Variants in GALNT11 observed in about 807,000 individuals in gnomAD.
GALNT11 encodes UDP-GalNAc:polypeptide N-acetylgalactosaminyltransferase 11.
GALNT11 carries 47 observed loss-of-function variants against 72.7 expected under a neutral mutation model. The observed-to-expected ratio is 0.65, with a 90% CI of 0.51 to 0.82. The LOEUF (loss-of-function observed/expected upper bound fraction) is 0.82, where lower values mean the gene tolerates loss of function less well. Ranked by LOEUF, GALNT11 falls within the 40% of genes least tolerant of loss-of-function variation. GALNT11 has a pLI of 0.00. For missense variants in GALNT11, 677 were observed against 778.4 expected, an observed-to-expected ratio of 0.87 and a Z score of 1.55; for synonymous variants, 270 against 286.6, an observed-to-expected ratio of 0.94 and a Z score of 0.58.
At position 152,060,343 on chromosome 7, in the gene GALNT11, C is replaced by T. The variant is rs183610126; in HGVS notation, c.-38-33847C>T. ...ACTTTCTTATTCCTGTGTTCACTGG[C>T]ATAGCACTTTTAATTCCCTTCAAGA... On this transcript the variant is annotated intron_variant, in intron 1 of 11. Transcript: ENST00000430044. 9.8e-5 allele frequency among the ~76,000 whole-genome samples: 15 copies of T among 152,316 alleles called. No homozygotes were observed. In the East Asian group the frequency reaches 2.3e-3, roughly 23 times the overall value.
At chr7:152,120,708 AGT>A in intron 10 of GALNT11, 121 bp from the exon 11 acceptor site, 1 of 801,354 alleles carries the variant, frequency 1.2e-6, no homozygotes, top group Admixed American at 2.4e-5. Context: ...CTTCCCTGTA[AGT>A]CTAGTGCATT....
chr7:152,033,564 T>G (rs2082410023), intron 1 of GALNT11, among the ~76,000 whole-genome samples: 3 of 152,228 alleles, frequency 2.0e-5, no homozygotes, highest in Admixed American at 1.3e-4. Flanking sequence ...GACTCTCAAG[T>G]GAGTCTGGTG....
Position 152,094,498 on chromosome 7 carries a change from C to T in GALNT11, c.271C>T (p.His91Tyr). 1 of 1,611,192 alleles carries T rather than the reference C, an allele frequency of 6.2e-7. No homozygotes were observed. The highest frequency in any genetic ancestry group is 1.1e-5 in the South Asian group (1 of 90,760). ...DSRVEDPEEG[H>Y]LKFSSELGMI... ...TCGTGTTGAAGATCCAGAAGAAGGCCACTTGAAATTCTCTTCTGAATTAGG... is the reference window on the plus strand; with the variant it reads ...TCGTGTTGAAGATCCAGAAGAAGGCTACTTGAAATTCTCTTCTGAATTAGG... Residue 91 changes from histidine (H) to tyrosine (Y), a missense_variant, in exon 2 of 12, where the codon CAC becomes TAC. By Grantham distance (83) the His-to-Tyr change is moderately conservative. Coordinates refer to ENST00000430044, the MANE Select transcript of GALNT11 (RefSeq NM_022087.4). This position sits in a 1 kb window ranked among gnomAD's most constrained non-coding sequence, Gnocchi z 4.3.
intron 6 of GALNT11, among the ~76,000 whole-genome samples, chr7:152,109,265 A>G (rs1194293901): frequency 1.3e-5 from 2 of 152,250 alleles, no homozygotes; most frequent in Non-Finnish European, 2.9e-5. Context: ...TTTGAAGAAC[A>G]TGTTTACTCA....
At position 152,118,747 on chromosome 7, in the gene GALNT11, G is replaced by A; in HGVS notation, c.1522G>A (p.Val508Met). The A allele has an allele frequency of 6.2e-7, 1 of 1,611,560 alleles. No homozygotes were observed. The highest frequency in any genetic ancestry group is 8.5e-7 in the Non-Finnish European group (1 of 1,179,182). Residue 508 changes from valine (V) to methionine (M), a missense_variant, in exon 10 of 12, where the codon GTG becomes ATG. Val to Met is a conservative substitution (Grantham distance 21). Transcript: ENST00000430044. ...CCCAAGTCAGAAGGGAGGTCTCGTG[G>A]TGCTTAAGGCCTGTGACTACAGTGA... Reference protein sequence around the residue: ...GRPSQKGGLVVLKACDYSDPN... With the variant: ...GRPSQKGGLVMLKACDYSDPN...
At chr7:152,103,013 A>C in intron 3 of GALNT11, 99 bp from the exon 4 acceptor site, 5 of 1,096,856 alleles carry the variant, frequency 4.6e-6, no homozygotes, top group Non-Finnish European at 3.8e-6. Flanking sequence ...GGGTGGGGGA[A>C]GAGGGTGAAC....
intron 1 of GALNT11, among the ~76,000 whole-genome samples, chr7:152,058,098 A>G (rs10247455): frequency 0.033 from 5,017 of 152,254 alleles, 280 homozygotes; most frequent in African/African-American, 0.12. Context: ...GGGGGGGTGC[A>G]TATAAAAGTT....
intron 1 of GALNT11, among the ~76,000 whole-genome samples, chr7:152,043,227 T>G (rs1299342804): frequency 2.0e-5 from 3 of 152,224 alleles, no homozygotes; most frequent in African/African-American, 7.2e-5. Flanking sequence ...CTGTTTGTAC[T>G]TGTACCGCTT....
chr7:152,052,768 T>G (rs1171218448), intron 1 of GALNT11, among the ~76,000 whole-genome samples: 1 of 152,238 alleles, frequency 6.6e-6, no homozygotes, highest in Non-Finnish European at 1.5e-5. Context: ...TCGTGTAACT[T>G]AAACTATCCT....
intron 1 of GALNT11, among the ~76,000 whole-genome samples, chr7:152,087,913 G>T (rs970949927): frequency 2.0e-5 from 3 of 152,202 alleles, no homozygotes; most frequent in African/African-American, 7.2e-5. Flanking sequence ...AAGAAAATCT[G>T]CTAATTTTTC....
At chr7:152,028,092 C>G (rs956405611) in intron 1 of GALNT11, among the ~76,000 whole-genome samples, 1 of 152,158 alleles carries the variant, frequency 6.6e-6, no homozygotes, top group Non-Finnish European at 1.5e-5. Context: ...AGTGCAGACC[C>G]AAAGAGTGAG....
chr7:152,051,203 T>TG (rs2083382615), intron 1 of GALNT11, among the ~76,000 whole-genome samples: 48 of 118,670 alleles, frequency 4.0e-4, no homozygotes, highest in African/African-American at 2.5e-3. Flanking sequence ...CTGGTTGTTT[T>TG]TTTTTTTTTT....
chr7:152,102,771 C>G (rs938074328), intron 3 of GALNT11, among the ~76,000 whole-genome samples: 3 of 152,214 alleles, frequency 2.0e-5, no homozygotes, highest in African/African-American at 7.2e-5. Context: ...CACCTGAGGT[C>G]AGGAGTTCGA....
intron 10 of GALNT11, chr7:152,119,947 G>A (rs922366115): frequency 6.6e-6 from 1 of 152,168 alleles, no homozygotes; most frequent in Admixed American, 6.5e-5. Flanking sequence ...TTAAAATCGC[G>A]GTGACGCAGT....
At chr7:152,040,537 G>A (rs1198852649) in intron 1 of GALNT11, among the ~76,000 whole-genome samples, 2 of 152,206 alleles carry the variant, frequency 1.3e-5, no homozygotes, top group Non-Finnish European at 2.9e-5. Flanking sequence ...TCAGCCATTT[G>A]ATTCCCTTCA....
At chr7:152,078,081 G>T (rs1308748716) in intron 1 of GALNT11, among the ~76,000 whole-genome samples, 1 of 151,894 alleles carries the variant, frequency 6.6e-6, no homozygotes, top group South Asian at 2.1e-4. Context: ...AAACCTCTCT[G>T]AATGAAGCGT....
intron 1 of GALNT11, among the ~76,000 whole-genome samples, chr7:152,043,759 G>T (rs2082986222): frequency 6.6e-6 from 1 of 152,086 alleles, no homozygotes; most frequent in Non-Finnish European, 1.5e-5. Flanking sequence ...AGAAGGGTAG[G>T]GATGAACCTC....
intron 1 of GALNT11, among the ~76,000 whole-genome samples, chr7:152,067,918 C>G (rs992398906): frequency 6.6e-6 from 1 of 152,042 alleles, no homozygotes; most frequent in African/African-American, 2.4e-5. Context: ...GAAGGGGGAG[C>G]AGACACGTCA....
At chr7:152,116,584 G>T (rs982187093) in intron 8 of GALNT11, among the ~76,000 whole-genome samples, 2 of 152,266 alleles carry the variant, frequency 1.3e-5, no homozygotes, top group South Asian at 2.1e-4. Context: ...ATCTTAATAT[G>T]ATTTCATATT....
Sources: gnomAD v4.1 joint callset for allele counts (sites outside exome capture counted in the v4.1 genomes callset) on GRCh38, gnomAD v4.1.1 for gene constraint, Gnocchi (gnomAD v3.1) non-coding constraint, MANE v1.5 for transcripts, NCBI Gene and HGNC (gene_info 2026-07-23, HGNC 2026-07-21) for gene names.